The following PDGFRL variants were observed in gnomAD, a reference collection of about 807,000 sequenced individuals.
The protein encoded by PDGFRL is platelet derived growth factor receptor like, also known as platelet-derived growth factor receptor-like protein.
A neutral mutation model predicts 37.2 loss-of-function variants in PDGFRL; 46 were observed. That is an observed-to-expected ratio of 1.24 (90% CI 0.98 to 1.58). The LOEUF is 1.58. Ranked by LOEUF, PDGFRL falls within the 40% of genes most tolerant of loss-of-function variation. The pLI, the probability that PDGFRL is intolerant of heterozygous loss-of-function variation, is 0.00. For missense variants in PDGFRL, 692 were observed against 467.6 expected (o/e 1.48, Z -4.43); for synonymous variants, 251 against 184.3 (o/e 1.36, Z -2.93).
rs563236124 is a variant in PDGFRL, at chr8:17,592,993, A to G, written c.353+3228A>G. ...CTTGAGAGTAAATAAAAATAGACGTATAAGTGATATTAAACTGTCTACTTA... is the reference window on the plus strand; with the variant it reads ...CTTGAGAGTAAATAAAAATAGACGTGTAAGTGATATTAAACTGTCTACTTA... On this transcript the variant is annotated intron_variant, in intron 2 of 5. Transcript: ENST00000251630. Among the ~76,000 whole-genome samples the G allele has an allele frequency of 3.3e-5, 5 of 152,260 alleles. No individual in the cohort carries two copies. The East Asian group carries it at 5.8e-4, about 18-fold the overall frequency.
intron 3 of PDGFRL, among the ~76,000 whole-genome samples, chr8:17,627,469 A>ATT: frequency 1.9e-5 from 1 of 51,892 alleles, no homozygotes. Context: ...TACCGATTGC[A>ATT]ATTTTTTTTT....
At chr8:17,577,392 C>T in intron 1 of PDGFRL, 85 bp downstream of exon 1, 7 of 1,180,038 alleles carry the variant, frequency 5.9e-6, no homozygotes, top group Non-Finnish European at 8.7e-6. Context: ...CCTGCCAGCT[C>T]TTGGTCTAAC....
chr8:17,601,921 A>T (rs2517175), intron 2 of PDGFRL, among the ~76,000 whole-genome samples: 18,778 of 152,254 alleles, frequency 0.12, 1,146 homozygotes, highest in Middle Eastern at 0.15. Flanking sequence ...CTAGTGCTGC[A>T]TGAACATAGG....
chr8:17,599,832 C>T (rs1254606871), intron 2 of PDGFRL, among the ~76,000 whole-genome samples: 13 of 152,126 alleles, frequency 8.5e-5, no homozygotes, highest in Admixed American at 2.0e-4. Flanking sequence ...CTACCAGTGA[C>T]GGGAAGAAGG....
At chr8:17,633,508 A>T (rs1325193265) in intron 4 of PDGFRL, among the ~76,000 whole-genome samples, 1 of 152,202 alleles carries the variant, frequency 6.6e-6, no homozygotes, top group Non-Finnish European at 1.5e-5. Flanking sequence ...AGCCTGGGTG[A>T]CAGAGACCCC....
intron 2 of PDGFRL, among the ~76,000 whole-genome samples, chr8:17,597,556 T>C (rs1461645626): frequency 1.3e-5 from 2 of 151,618 alleles, no homozygotes; most frequent in African/African-American, 4.8e-5. Context: ...ATACATTTTT[T>C]TTTCCCAAAG....
chr8:17,577,384 T>C, intron 1 of PDGFRL, 77 bp downstream of exon 1: 1 of 1,245,530 alleles, frequency 8.0e-7, no homozygotes, highest in South Asian at 1.3e-5. Flanking sequence ...GCCGCCCTCC[T>C]GCCAGCTCTT....
intron 3 of PDGFRL, 58 bp downstream of exon 3, chr8:17,621,260 G>A: frequency 8.0e-7 from 1 of 1,251,536 alleles, no homozygotes; most frequent in Non-Finnish European, 1.1e-6. Flanking sequence ...GCTGAGAGCT[G>A]AAGGTTCCCC....
intron 1 of PDGFRL, among the ~76,000 whole-genome samples, chr8:17,581,559 G>A (rs543897499): frequency 2.0e-5 from 3 of 152,262 alleles, no homozygotes; most frequent in East Asian, 3.9e-4. Context: ...GGAGGTGTTT[G>A]GGCCTTGGGG....
chr8:17,609,646 A>AAAT (rs1804363083), intron 2 of PDGFRL, among the ~76,000 whole-genome samples: 1 of 122,560 alleles, frequency 8.2e-6, no homozygotes, highest in Admixed American at 8.9e-5. Flanking sequence ...AAAAAAAAAA[A>AAAT]AAAAAAAAAA....
At chr8:17,594,283 C>T (rs1042150758) in intron 2 of PDGFRL, among the ~76,000 whole-genome samples, 2 of 152,140 alleles carry the variant, frequency 1.3e-5, no homozygotes, top group African/African-American at 4.8e-5. Flanking sequence ...CTCTGTCACC[C>T]AGGCTGGAGT....
chr8:17,620,987 G>A, intron 2 of PDGFRL, 64 bp from the exon 3 acceptor site: 1 of 1,287,172 alleles, frequency 7.8e-7, no homozygotes, highest in Admixed American at 2.2e-5. Context: ...GGAGCCGAGT[G>A]TGACAGCTGG....
intron 2 of PDGFRL, among the ~76,000 whole-genome samples, chr8:17,606,009 C>T (rs1804268592): frequency 1.3e-5 from 2 of 152,108 alleles, no homozygotes; most frequent in Non-Finnish European, 2.9e-5. Flanking sequence ...GGGCTCCCAG[C>T]CAGGCTCATC....
At chr8:17,636,935 C>G (rs1418036850) in intron 5 of PDGFRL, among the ~76,000 whole-genome samples, 2 of 152,110 alleles carry the variant, frequency 1.3e-5, no homozygotes, top group Non-Finnish European at 2.9e-5. Context: ...TGGTTTATAG[C>G]AGAGCTACTG....
chr8:17,598,173 G>A (rs1233246072), intron 2 of PDGFRL, among the ~76,000 whole-genome samples: 2 of 152,198 alleles, frequency 1.3e-5, no homozygotes, highest in African/African-American at 2.4e-5. Flanking sequence ...AAAGAATGTT[G>A]TGGAACAGAG....
intron 2 of PDGFRL, among the ~76,000 whole-genome samples, chr8:17,598,893 C>A (rs1804108030): frequency 6.6e-6 from 1 of 152,154 alleles, no homozygotes; most frequent in African/African-American, 2.4e-5. Flanking sequence ...TGCCAGCTAC[C>A]ACGTAAGACA....
chr8:17,579,393 T>G (rs1187576904), intron 1 of PDGFRL, among the ~76,000 whole-genome samples: 1 of 152,020 alleles, frequency 6.6e-6, no homozygotes, highest in Non-Finnish European at 1.5e-5. Flanking sequence ...AGGAGGCCCT[T>G]CCAGTGCTGG....
At chr8:17,607,527 A>C (rs1195644411) in intron 2 of PDGFRL, among the ~76,000 whole-genome samples, 1 of 152,238 alleles carries the variant, frequency 6.6e-6, no homozygotes, top group African/African-American at 2.4e-5. Flanking sequence ...AGAAAATGAC[A>C]ATACAGTCAA....
rs577262083 is a variant in PDGFRL at position 17,606,648 on chromosome 8, A to G, written c.354-14403A>G. Among the ~76,000 whole-genome samples the G allele has an allele frequency of 1.2e-3, 182 of 152,260 alleles. 2 individuals are homozygous for G. Among genetic ancestry groups the G allele is most frequent in the African/African-American group, 3.2e-3 (133 of 41,556 alleles). ...TACAAGACTTCCCCCAGTGTACTCA[A>G]TGTTCTGAGAGCGTTCAGCTTGCAG... is the stretch of plus-strand genomic sequence containing the variant. On this transcript the variant is annotated intron_variant, in intron 2 of 5. Coordinates refer to ENST00000251630, the MANE Select transcript of PDGFRL (RefSeq NM_001372073.1).
Sources: allele counts gnomAD v4.1 joint callset (sites outside exome capture counted in the v4.1 genomes callset), GRCh38; gene constraint gnomAD v4.1.1; transcripts MANE v1.5; gene names NCBI Gene and HGNC (gene_info 2026-07-23, HGNC 2026-07-21).